The following NOS1 variants were observed in gnomAD, a reference collection of about 807,000 sequenced individuals.
The protein encoded by NOS1 is nitric oxide synthase 1, also known as NOS type I.
Under a neutral mutation model 164.5 loss-of-function variants are expected in NOS1, and 51 were observed. The observed-to-expected ratio is 0.31, with a 90% CI of 0.25 to 0.39. The LOEUF (loss-of-function observed/expected upper bound fraction) is 0.39, where lower values mean the gene tolerates loss of function less well. Among genes scored for constraint, NOS1 ranks in the 10% least tolerant of loss-of-function variants. The pLI, the probability that NOS1 is intolerant of heterozygous loss-of-function variation, is 1.00. For missense variants in NOS1, 1,362 were observed against 1,885.6 expected, an observed-to-expected ratio of 0.72 and a Z score of 5.14; for synonymous variants, 719 against 745.8, an observed-to-expected ratio of 0.96 and a Z score of 0.59.
At position 117,218,118 on chromosome 12, in the gene NOS1, G is replaced by T; in HGVS notation, c.4217C>A (p.Thr1406Lys). 6.2e-7 allele frequency: 1 copy of T among 1,614,152 alleles called. No homozygotes were observed. Among genetic ancestry groups the T allele is most frequent in the Non-Finnish European group, 8.5e-7 (1 of 1,180,024 alleles). The stretch of plus-strand genomic sequence containing the variant: ...TCTAAGGCGGTTGGTCACTTCGTAC[G>T]TTCGCAGGGTGACTCCAAAAATATC... ...HEDIFGVTLRTYEVTNRLRSE... is the reference protein window; with the variant it reads ...HEDIFGVTLRKYEVTNRLRSE... The change falls in exon 28 of 29, where the codon ACG becomes AAG. Residue 1406 changes from threonine (T) to lysine (K), a missense_variant. Physicochemically the swap from Thr to Lys is moderately conservative, Grantham distance 78 (BLOSUM62 -1). This residue lies in a region of NOS1 where 737 missense variants were observed against 1,030.3 expected (regional missense o/e 0.72). Coordinates refer to ENST00000317775, the MANE Select transcript of NOS1 (RefSeq NM_000620.5).
At chr12:117,304,808 C>T (rs1874047725) in intron 3 of NOS1, 1 of 159,094 alleles carries the variant, frequency 6.3e-6, no homozygotes. Flanking sequence ...GAAGATGCCT[C>T]TAGGGCTGAT....
At position 117,330,605 on chromosome 12, in the gene NOS1, G is replaced by A. The variant is rs369224010; in HGVS notation, c.465C>T (p.Pro155=). Residue 155 remains proline, a synonymous_variant, in exon 2 of 29, where the codon CCC becomes CCT. Transcript: ENST00000317775. This position sits in a 1 kb window ranked among gnomAD's most constrained non-coding sequence, Gnocchi z 4.6. ...CGTAGGCATGCTGAGGCCCATTCCC[G>A]GGACCCGAGGCCCCATCCACTGCCA... is the stretch of plus-strand genomic sequence containing the variant. ...QPLAVDGASG[P]GNGPQHAYDD... 73 of 1,611,620 alleles carry A rather than the reference G, an allele frequency of 4.5e-5. No individual in the cohort carries two copies. In the East Asian group the frequency reaches 5.1e-4, roughly 11 times the overall value.
chr12:117,287,301 T>C (rs1872770235), intron 5 of NOS1, among the ~76,000 whole-genome samples: 1 of 152,252 alleles, frequency 6.6e-6, no homozygotes, highest in Admixed American at 6.5e-5. Context: ...TGCTCAAAGT[T>C]AGCTATGAAC....
intron 3 of NOS1, among the ~76,000 whole-genome samples, chr12:117,307,781 C>T (rs759991034): frequency 1.3e-5 from 2 of 152,030 alleles, no homozygotes; most frequent in Non-Finnish European, 2.9e-5. Context: ...CTTTGGGAGG[C>T]TGAGGCAGGT....
chr12:117,218,154 C>T lies in NOS1; in HGVS notation c.4181G>A (p.Arg1394Gln), dbSNP rs376113705. 258 of 1,613,280 alleles carry T rather than the reference C, an allele frequency of 1.6e-4. No homozygotes were observed. The highest frequency in any genetic ancestry group is 2.5e-4 in the South Asian group (23 of 91,060). ...GACTCCAAAAATATCCTCATGGTAT[C>T]GGTTGTCATCCTAGAAGACAGAAAC... The part of the protein sequence containing the change: ...VFISRMRDDN[R>Q]YHEDIFGVTL... The change falls in exon 28 of 29, where the codon CGA (arginine) becomes CAA (glutamine). Residue 1394 changes from arginine (R) to glutamine (Q), a missense_variant. This residue lies in a region of NOS1 where 737 missense variants were observed against 1,030.3 expected (regional missense o/e 0.72). Coordinates refer to ENST00000317775, the MANE Select transcript of NOS1 (RefSeq NM_000620.5).
chr12:117,286,054 C>G (rs1874090290), intron 6 of NOS1, 50 bp downstream of exon 6: 1 of 1,601,184 alleles, frequency 6.2e-7, no homozygotes, highest in Non-Finnish European at 8.5e-7. Flanking sequence ...CTCCCCTTCC[C>G]CTCTTCCCTC....
At chr12:117,271,312 C>T (rs1281375433) in intron 10 of NOS1, among the ~76,000 whole-genome samples, 1 of 150,634 alleles carries the variant, frequency 6.6e-6, no homozygotes, top group African/African-American at 2.4e-5. Flanking sequence ...GAGACTCGCT[C>T]TGTTGCCCAG....
chr12:117,320,220 G>A (rs1244644905), intron 2 of NOS1, among the ~76,000 whole-genome samples: 2 of 152,162 alleles, frequency 1.3e-5, no homozygotes, highest in African/African-American at 4.8e-5. Flanking sequence ...TGGAGAAAGG[G>A]TCTCTGCAGA....
chr12:117,353,984 A>C (rs1163116124), intron 1 of NOS1, among the ~76,000 whole-genome samples: 1 of 152,170 alleles, frequency 6.6e-6, no homozygotes, highest in Non-Finnish European at 1.5e-5. Context: ...ACAAACAAAC[A>C]AAAACCAAAT....
rs1314499282 is a variant in NOS1 at position 117,272,596 on chromosome 12, G to A, written c.1665-37C>T. 3.8e-6 allele frequency: 6 copies of A among 1,595,392 alleles called. No homozygotes were observed. Among genetic ancestry groups the A allele is most frequent in the Non-Finnish European group, 4.3e-6 (5 of 1,169,242 alleles). ...AACAGGGCCCAGCTCACCCGGAGCA[G>A]GTGTCTCATGGGCGGGACAGCTTGA... On this transcript the variant is annotated intron_variant, in intron 9 of 28. Coordinates refer to ENST00000317775, the MANE Select transcript of NOS1 (RefSeq NM_000620.5). The surrounding 1 kb of genome is among the most constrained non-coding windows in gnomAD (Gnocchi z 4.3).
chr12:117,222,338 C>T (rs900920688), intron 26 of NOS1, among the ~76,000 whole-genome samples: 6 of 152,198 alleles, frequency 3.9e-5, no homozygotes, highest in African/African-American at 1.2e-4. Context: ...TCACTGCAAT[C>T]TCTGCCTCCT....
In NOS1 at chr12:117,344,143, G is replaced by A. The variant is rs1010656993; in HGVS notation, c.-420-12654C>T. Among the ~76,000 whole-genome samples, 10 of 152,356 alleles carry A rather than the reference G, an allele frequency of 6.6e-5. No individual in the cohort carries two copies. The East Asian group carries it at 1.9e-3, about 29-fold the overall frequency. ...ATGTGTAAACTAGTACCAAGGACAG[G>A]AGGGAAAATATTCATTAAGGCAGGC... is the stretch of plus-strand genomic sequence containing the variant. On this transcript the variant is annotated intron_variant, in intron 1 of 28. Transcript: ENST00000317775.
At chr12:117,270,662 A>T (rs1872722727) in intron 10 of NOS1, among the ~76,000 whole-genome samples, 1 of 152,160 alleles carries the variant, frequency 6.6e-6, no homozygotes, top group Admixed American at 6.6e-5. Flanking sequence ...CTTAAAAAAA[A>T]TCCCCAAGTG....
rs1461027305 is a variant in NOS1 at position 117,272,907 on chromosome 12, T to C, written c.1665-348A>G. 1.3e-5 allele frequency among the ~76,000 whole-genome samples: 2 copies of C among 152,172 alleles called. No homozygotes were observed. The highest frequency in any genetic ancestry group is 2.9e-5 in the Non-Finnish European group (2 of 68,020). ...TGAGCACCCTCCTACCCTCAGGGCC[T>C]TTGCACAGGCAGCCAAACTTCAGAG... On this transcript the variant is annotated intron_variant, in intron 9 of 28. Transcript: ENST00000317775. The surrounding 1 kb of genome is among the most constrained non-coding windows in gnomAD (Gnocchi z 4.3).
intron 20 of NOS1, among the ~76,000 whole-genome samples, chr12:117,235,397 C>T (rs1281656291): frequency 6.6e-6 from 1 of 152,118 alleles, no homozygotes. Flanking sequence ...AATAGGGGTT[C>T]TCTCAGTGTC....
intron 2 of NOS1, among the ~76,000 whole-genome samples, chr12:117,328,695 G>T (rs1263132281): frequency 6.6e-6 from 1 of 152,194 alleles, no homozygotes; most frequent in East Asian, 1.9e-4. Flanking sequence ...CGCCTGAGTA[G>T]CTGCGACTAC....
intron 3 of NOS1, among the ~76,000 whole-genome samples, chr12:117,294,364 T>G (rs562289205): frequency 5.3e-5 from 8 of 152,066 alleles, no homozygotes; most frequent in African/African-American, 1.7e-4. Context: ...ATAACAGGAC[T>G]AATAAAAGAG....
At position 117,212,390 on chromosome 12, in the gene NOS1, C is replaced by A. The variant is rs1232530501; in HGVS notation, c.*2919G>T. The A allele has an allele frequency of 2.0e-6, 2 of 985,256 alleles. No individual in the cohort carries two copies. Among genetic ancestry groups the A allele is most frequent in the Non-Finnish European group, 2.4e-6 (2 of 829,882 alleles). 61.0% of individuals were successfully genotyped at this position (985,256 alleles called of 1,614,324 possible). A position where few individuals can be genotyped will look rare whatever the true frequency, so the allele number is the denominator to read the frequency against. Reference sequence around the variant, plus strand: ...TTCCATATTGATGGGTCTGAAGTGTCCCCCCGCAAAAGAAAGACACCTGGC... The same window carrying A: ...TTCCATATTGATGGGTCTGAAGTGTACCCCCGCAAAAGAAAGACACCTGGC... On this transcript the variant is annotated 3_prime_UTR_variant, in exon 29 of 29. Coordinates refer to ENST00000317775, the MANE Select transcript of NOS1 (RefSeq NM_000620.5).
chr12:117,258,418 T>C lies in NOS1; in HGVS notation c.2510A>G (p.Asn837Ser), dbSNP rs77828469. ...TTACTTCCTTTCTTCCTGCACAGAGTTGGGGTGCCTCATTTCCATCAAAGC... is the reference window on the plus strand; with the variant it reads ...TTACTTCCTTTCTTCCTGCACAGAGCTGGGGTGCCTCATTTCCATCAAAGC... ...GCALMEMRHPNSVQEERKSYK... is the reference protein window; with the variant it reads ...GCALMEMRHPSSVQEERKSYK... Residue 837 changes from asparagine to serine, a missense_variant, in exon 16 of 29, where the codon AAC becomes AGC. Physicochemically the swap from Asn to Ser is conservative, Grantham distance 46. Transcript: ENST00000317775. The C allele has an allele frequency of 3.7e-6, 6 of 1,613,884 alleles. No individual in the cohort carries two copies. Among genetic ancestry groups the C allele is most frequent in the Non-Finnish European group, 5.1e-6 (6 of 1,179,990 alleles).
Sources: gnomAD v4.1 joint callset for allele counts (sites outside exome capture counted in the v4.1 genomes callset) on GRCh38, gnomAD v4.1.1 for gene constraint, gnomAD v4.1.1 regional missense constraint, Gnocchi (gnomAD v3.1) non-coding constraint, MANE v1.5 for transcripts, NCBI Gene and HGNC (gene_info 2026-07-23, HGNC 2026-07-21) for gene names.